Variants in AASS observed in about 807,000 individuals in gnomAD.
AASS encodes aminoadipate-semialdehyde synthase.
Under a neutral mutation model 105.4 loss-of-function variants are expected in AASS, and 86 were observed. The observed-to-expected ratio is 0.82, with a 90% CI of 0.69 to 0.98. AASS has a LOEUF of 0.98. AASS is among the 50% of genes least tolerant of loss of function. The pLI is 0.00. For synonymous variants in AASS, 381 were observed against 394.8 expected, an observed-to-expected ratio of 0.96 and a Z score of 0.41; for missense variants, 1,048 against 1,143.2, an observed-to-expected ratio of 0.92 and a Z score of 1.20.
intron 10 of AASS, 79 bp downstream of exon 10, chr7:122,113,519 G>A: frequency 1.9e-6 from 3 of 1,552,520 alleles, no homozygotes; most frequent in South Asian, 1.1e-5. Flanking sequence ...TCATAAAGAT[G>A]TAAAATACTG....
intron 13 of AASS, 104 bp from the exon 14 acceptor site, chr7:122,098,970 T>C: frequency 8.2e-7 from 1 of 1,225,286 alleles, no homozygotes; most frequent in Non-Finnish European, 1.1e-6. Context: ...AAAACCTAAA[T>C]AATGAAGCAA....
intron 3 of AASS, among the ~76,000 whole-genome samples, chr7:122,127,946 A>G (rs1158746960): frequency 1.3e-5 from 2 of 152,104 alleles, no homozygotes; most frequent in Non-Finnish European, 2.9e-5. Flanking sequence ...AGAATATTAA[A>G]CTTGGCAGAC....
intron 21 of AASS, 43 bp from the exon 22 acceptor site, chr7:122,078,993 C>T (rs1793177487): frequency 6.2e-7 from 1 of 1,613,792 alleles, no homozygotes; most frequent in Non-Finnish European, 8.5e-7. Context: ...AAGTCCTATA[C>T]ATGTTCTCAT....
intron 3 of AASS, among the ~76,000 whole-genome samples, 182 bp downstream of exon 3, chr7:122,129,179 T>C (rs898480595): frequency 4.6e-5 from 7 of 152,186 alleles, no homozygotes; most frequent in African/African-American, 1.7e-4. Context: ...CAATTGACCT[T>C]ATAAATTGGT....
intron 13 of AASS, among the ~76,000 whole-genome samples, chr7:122,099,907 G>A (rs909777255): frequency 2.6e-5 from 4 of 151,464 alleles, no homozygotes; most frequent in Admixed American, 6.6e-5. Context: ...ACTATTATTC[G>A]GTTATTATAT....
intron 19 of AASS, chr7:122,082,665 C>T (rs570137176): frequency 6.6e-5 from 26 of 393,196 alleles, no homozygotes; most frequent in Non-Finnish European, 1.0e-4. Context: ...ACAAATAATG[C>T]CTAGTCCATG....
chr7:122,135,191 T>G lies in AASS; in HGVS notation c.-15-1450A>C, dbSNP rs570728418. On this transcript the variant is annotated intron_variant, in intron 1 of 23. Coordinates refer to ENST00000417368, the MANE Select transcript of AASS (RefSeq NM_005763.4). ...CTAATGTAAATGACGAGTTAACGGG[T>G]GCAGCACACCAACATGGCACATGTA... Among the ~76,000 whole-genome samples, 8 of 151,094 alleles carry G rather than the reference T, an allele frequency of 5.3e-5. 1 individual carries two copies. Among genetic ancestry groups the G allele is most frequent in the African/African-American group, 2.0e-4 (8 of 40,948 alleles).
At chr7:122,133,819 G>A (rs1796021926) in intron 1 of AASS, 78 bp from the exon 2 acceptor site, 3 of 1,230,082 alleles carry the variant, frequency 2.4e-6, no homozygotes, top group African/African-American at 1.5e-5. Context: ...TGAGAAATCT[G>A]AGGTAAAATA....
At chr7:122,084,408 C>T (rs1278642603) in intron 19 of AASS, among the ~76,000 whole-genome samples, 1 of 152,082 alleles carries the variant, frequency 6.6e-6, no homozygotes, top group East Asian at 1.9e-4. Context: ...ATGCTAAGTG[C>T]CCATAAATGT....
chr7:122,115,289 A>G (rs1795113512), intron 8 of AASS, 67 bp from the exon 9 acceptor site: 7 of 1,537,484 alleles, frequency 4.6e-6, no homozygotes, highest in Non-Finnish European at 5.4e-6. Flanking sequence ...TACTGAAAGA[A>G]AGCTATCAGT....
intron 20 of AASS, 117 bp downstream of exon 20, chr7:122,081,383 C>T: frequency 1.2e-6 from 1 of 850,950 alleles, no homozygotes; most frequent in Non-Finnish European, 2.1e-6. Flanking sequence ...GATTTATCTT[C>T]CTGCTCATAA....
At chr7:122,110,720 T>C (rs11761176) in intron 11 of AASS, among the ~76,000 whole-genome samples, 22,455 of 151,554 alleles carry the variant, frequency 0.15, 1,866 homozygotes, top group South Asian at 0.28. Flanking sequence ...ATGTTAATAA[T>C]CCTAAACAAG....
chr7:122,079,394 T>C, intron 21 of AASS: 2 of 1,342,112 alleles, frequency 1.5e-6, no homozygotes, highest in Non-Finnish European at 9.9e-7. Flanking sequence ...GAGATAAGCA[T>C]TTCTCAAATT....
chr7:122,096,121 G>A (rs1236868510), intron 15 of AASS, among the ~76,000 whole-genome samples: 1 of 152,140 alleles, frequency 6.6e-6, no homozygotes, highest in African/African-American at 2.4e-5. Context: ...GGTCGAAAAT[G>A]TCACTTGTGA....
chr7:122,083,798 C>T, intron 19 of AASS, among the ~76,000 whole-genome samples: 1 of 151,900 alleles, frequency 6.6e-6, no homozygotes, highest in South Asian at 2.1e-4. Context: ...GACAGGCAGG[C>T]AGAGAAGGAG....
chr7:122,101,264 A>T, intron 13 of AASS, 107 bp downstream of exon 13: 1 of 894,330 alleles, frequency 1.1e-6, no homozygotes, highest in Non-Finnish European at 1.8e-6. Context: ...AAATTTATAT[A>T]GTGTACAAAC....
chr7:122,077,394 T>C (rs1584800760), intron 23 of AASS, among the ~76,000 whole-genome samples: 1 of 152,186 alleles, frequency 6.6e-6, no homozygotes, highest in Non-Finnish European at 1.5e-5. Context: ...GGAGTGAATA[T>C]CTTTTTCTAT....
At chr7:122,116,830 A>G (rs761886071) in intron 7 of AASS, 49 bp downstream of exon 7, 1 of 1,611,136 alleles carries the variant, frequency 6.2e-7, no homozygotes, top group Admixed American at 1.7e-5. Flanking sequence ...AAAATATTAT[A>G]ACATAGACTG....
At chr7:122,114,976 G>A in intron 9 of AASS, 98 bp downstream of exon 9, 1 of 1,512,846 alleles carries the variant, frequency 6.6e-7, no homozygotes, top group Non-Finnish European at 9.2e-7. Flanking sequence ...CAGAGAAGTA[G>A]TCATTAGAAA....
Sources: gnomAD v4.1 joint callset for allele counts (sites outside exome capture counted in the v4.1 genomes callset) on GRCh38, gnomAD v4.1.1 for gene constraint, MANE v1.5 for transcripts, NCBI Gene and HGNC (gene_info 2026-07-23, HGNC 2026-07-21) for gene names.